The following RIOK1 variants were observed in gnomAD, a reference collection of about 807,000 sequenced individuals.
RIOK1 encodes serine/threonine-protein kinase RIO1.
A neutral mutation model predicts 73.5 loss-of-function variants in RIOK1; 66 were observed. The observed-to-expected ratio is 0.90, with a 90% CI of 0.74 to 1.10. The LOEUF (loss-of-function observed/expected upper bound fraction) is 1.10. RIOK1 is among the 50% of genes least tolerant of loss of function. RIOK1 has a pLI of 0.00. For synonymous variants in RIOK1, 224 were observed against 226.8 expected, an observed-to-expected ratio of 0.99 and a Z score of 0.11; for missense variants, 658 against 699.8, an observed-to-expected ratio of 0.94 and a Z score of 0.67.
In RIOK1 at chr6:7,411,387, G is replaced by A. The variant is rs960654839; in HGVS notation, c.1325G>A (p.Arg442Lys). The part of the protein sequence containing the change: ...RTLNEVKNYE[R>K]DMDIIMKLKE... ...TTGAATGAAGTGAAAAATTATGAGA[G>A]GGATATGGACATAATTATGAAATTG... The change falls in exon 14 of 17, where the codon AGG becomes AAG. Residue 442 changes from arginine (R) to lysine (K), a missense_variant. Physicochemically the swap from Arg to Lys is conservative, Grantham distance 26 (BLOSUM62 2). Coordinates refer to ENST00000379834, the MANE Select transcript of RIOK1 (RefSeq NM_031480.3). The A allele has an allele frequency of 6.2e-7, 1 of 1,613,474 alleles. No homozygotes were observed. Among genetic ancestry groups the A allele is most frequent in the Non-Finnish European group, 8.5e-7 (1 of 1,179,418 alleles).
chr6:7,401,966 T>G (rs1761624848), intron 6 of RIOK1, among the ~76,000 whole-genome samples: 3 of 152,276 alleles, frequency 2.0e-5, no homozygotes, highest in African/African-American at 7.2e-5. Context: ...GGCATGAGCC[T>G]CCACGCCTTG....
intron 2 of RIOK1, among the ~76,000 whole-genome samples, chr6:7,393,970 A>G (rs190747108): frequency 3.1e-4 from 47 of 152,332 alleles, no homozygotes; most frequent in Non-Finnish European, 4.4e-5. Flanking sequence ...TGAGATAGGA[A>G]TATGTTTGTG....
At chr6:7,394,898 A>AT in intron 2 of RIOK1, 155 bp from the exon 3 acceptor site, 1 of 1,174,982 alleles carries the variant, frequency 8.5e-7, no homozygotes, top group Non-Finnish European at 1.2e-6. Context: ...TCTTTAAAAA[A>AT]TTTTTTGAGC....
rs2113506333 is a variant in RIOK1, at chr6:7,398,737, A to T, written c.477A>T (p.Glu159Asp). 6.2e-7 allele frequency: 1 copy of T among 1,610,716 alleles called. No individual in the cohort carries two copies. The highest frequency in any genetic ancestry group is 2.2e-5 in the East Asian group (1 of 44,798). ...IKDKADRATV[E>D]QVLDPRTRMI... ...ATAAGGCAGACAGAGCAACTGTAGA[A>T]CAGGTACAATTTAAATGTGTTGCAA... is the stretch of plus-strand genomic sequence containing the variant. Residue 159 changes from glutamate (E) to aspartate (D), a missense_variant, in exon 5 of 17, where the codon GAA becomes GAT. By Grantham distance (45) the Glu-to-Asp change is conservative. Transcript: ENST00000379834.
In RIOK1 at chr6:7,415,273, G is replaced by A. The variant is rs950984670; in HGVS notation, c.1596+883G>A. ...CCGTCTCTATTAAAACATTGGTGATGAGCACCTGTAGTCCCAAATACTTGG... is the reference window on the plus strand; with the variant it reads ...CCGTCTCTATTAAAACATTGGTGATAAGCACCTGTAGTCCCAAATACTTGG... On this transcript the variant is annotated intron_variant, in intron 16 of 16. Coordinates refer to ENST00000379834, the MANE Select transcript of RIOK1 (RefSeq NM_031480.3). Among the ~76,000 whole-genome samples, 9 of 152,242 alleles carry A rather than the reference G, an allele frequency of 5.9e-5. No individual in the cohort carries two copies. In the East Asian group the frequency reaches 1.7e-3, roughly 29 times the overall value.
intron 2 of RIOK1, among the ~76,000 whole-genome samples, chr6:7,393,730 C>T (rs1335150028): frequency 2.6e-5 from 4 of 152,168 alleles, no homozygotes; most frequent in African/African-American, 9.7e-5. Context: ...GGTGCACTTA[C>T]TTGTAGGATA....
intron 12 of RIOK1, among the ~76,000 whole-genome samples, chr6:7,408,864 G>GGCAT (rs1045460398): frequency 3.3e-5 from 5 of 151,428 alleles, no homozygotes; most frequent in African/African-American, 1.2e-4. Flanking sequence ...TGGGATTACA[G>GGCAT]GCATGCGCCC....
rs1230723390 is a variant in RIOK1, at chr6:7,390,051, G to A, written c.49G>A (p.Asp17Asn). 1 of 1,559,920 alleles carries A rather than the reference G, an allele frequency of 6.4e-7. No homozygotes were observed. Among genetic ancestry groups the A allele is most frequent in the Non-Finnish European group, 8.7e-7 (1 of 1,151,938 alleles). The change falls in exon 1 of 17, where the codon GAC (aspartate) becomes AAC (asparagine). Residue 17 changes from aspartate to asparagine, a missense_variant. Physicochemically the swap from Asp to Asn is conservative, Grantham distance 23 (BLOSUM62 1). Transcript: ENST00000379834. ...LMSRVVPGQF[D>N]DADSSDSENR... The stretch of plus-strand genomic sequence containing the variant: ...GAGCCGGGTGGTCCCCGGGCAATTC[G>A]ACGACGCGGACTCCTCTGACAGGTA...
In RIOK1 at chr6:7,402,825, A is replaced by T. The variant is rs375466090; in HGVS notation, c.695A>T (p.His232Leu). The part of the protein sequence containing the change: ...KYVSGEFRFR[H>L]GYCKGNPRKM... ...CATTTTTCTTATTCAAGATTTCGTCATGGCTATTGTAAAGGAAACCCTAGG... is the reference window on the plus strand; with the variant it reads ...CATTTTTCTTATTCAAGATTTCGTCTTGGCTATTGTAAAGGAAACCCTAGG... Residue 232 changes from histidine to leucine, a missense_variant, in exon 8 of 17, where the codon CAT (histidine) becomes CTT (leucine). Coordinates refer to ENST00000379834, the MANE Select transcript of RIOK1 (RefSeq NM_031480.3). 8.1e-6 allele frequency: 13 copies of T among 1,612,390 alleles called. No individual in the cohort carries two copies. The highest frequency in any genetic ancestry group is 1.7e-5 in the Admixed American group (1 of 59,806).
intron 12 of RIOK1, among the ~76,000 whole-genome samples, chr6:7,407,735 CCTT>C (rs1319060103): frequency 6.6e-6 from 1 of 152,018 alleles, no homozygotes; most frequent in Non-Finnish European, 1.5e-5. Context: ...CTTAAGCACT[CCTT>C]CTGTCTCGGC....
intron 5 of RIOK1, 26 bp downstream of exon 5, chr6:7,398,766 C>T (rs370836872): frequency 3.8e-6 from 6 of 1,577,554 alleles, no homozygotes; most frequent in Non-Finnish European, 5.2e-6. Flanking sequence ...GTTGCAAACT[C>T]TTCTTTTTAA....
intron 13 of RIOK1, among the ~76,000 whole-genome samples, chr6:7,411,090 TG>T (rs1359998590): frequency 1.3e-5 from 2 of 152,170 alleles, no homozygotes; most frequent in African/African-American, 2.4e-5. Context: ...TCAGCTCTAA[TG>T]TTTTTTTTCC....
At position 7,417,535 on chromosome 6, in the gene RIOK1, C is replaced by G; in HGVS notation, c.*94C>G. The G allele has an allele frequency of 1.4e-6, 1 of 737,852 alleles. No homozygotes were observed. The highest frequency in any genetic ancestry group is 2.2e-6 in the Non-Finnish European group (1 of 457,816). 45.7% of individuals were successfully genotyped at this position (737,852 alleles called of 1,614,324 possible). On this transcript the variant is annotated 3_prime_UTR_variant, in exon 17 of 17. Coordinates refer to ENST00000379834, the MANE Select transcript of RIOK1 (RefSeq NM_031480.3). ...CTGGAAGATGGCTTATTGGTTTTAA[C>G]CAGATTGTCATCGTGGCACTGTCTG...
Position 7,389,904 on chromosome 6 carries a change from G to C in RIOK1, c.-99G>C, listed in dbSNP as rs1761282257. On this transcript the variant is annotated 5_prime_UTR_variant, in exon 1 of 17. Coordinates refer to ENST00000379834, the MANE Select transcript of RIOK1 (RefSeq NM_031480.3). ...TTGGCTTCTGAATGGTTTGCAAGGC[G>C]GATATCCACGCCAAGGCCTTTGGAT... 1 of 891,504 alleles carries C rather than the reference G, an allele frequency of 1.1e-6. No individual in the cohort carries two copies. The highest frequency in any genetic ancestry group is 2.7e-5 in the Admixed American group (1 of 37,130). The allele number at this position is 891,504 out of a possible 1,614,324, so 55.2% of individuals were successfully genotyped here.
chr6:7,409,508 T>C (rs1194206272), intron 12 of RIOK1, among the ~76,000 whole-genome samples: 1 of 151,740 alleles, frequency 6.6e-6, no homozygotes, highest in African/African-American at 2.4e-5. Context: ...CGCCTCAGCC[T>C]CCCAAAGTGC....
intron 3 of RIOK1, among the ~76,000 whole-genome samples, chr6:7,395,492 A>G (rs907395902): frequency 6.6e-6 from 1 of 150,836 alleles, no homozygotes. Context: ...CAACCTGGAC[A>G]ATAAGGGCAA....
intron 16 of RIOK1, among the ~76,000 whole-genome samples, chr6:7,414,638 A>G (rs73367406): frequency 0.019 from 2,968 of 152,264 alleles, 95 homozygotes; most frequent in African/African-American, 0.068. Flanking sequence ...TACATTTCAC[A>G]TGAAGTACAA....
chr6:7,403,270 T>A (rs1761657418), intron 8 of RIOK1, among the ~76,000 whole-genome samples: 1 of 152,234 alleles, frequency 6.6e-6, no homozygotes, highest in Non-Finnish European at 1.5e-5. Flanking sequence ...GTTATAATGC[T>A]CTGTCATGTT....
intron 5 of RIOK1, among the ~76,000 whole-genome samples, chr6:7,399,235 A>G (rs1454588125): frequency 6.6e-6 from 1 of 152,138 alleles, no homozygotes; most frequent in African/African-American, 2.4e-5. Flanking sequence ...ATGTGATTGG[A>G]TATTAGCCTT....
Sources: allele counts gnomAD v4.1 joint callset (sites outside exome capture counted in the v4.1 genomes callset), GRCh38; gene constraint gnomAD v4.1.1; transcripts MANE v1.5; gene names NCBI Gene and HGNC (gene_info 2026-07-23, HGNC 2026-07-21).